The following ESRRG variants were observed in gnomAD, a reference collection of about 807,000 sequenced individuals.
The protein encoded by ESRRG is estrogen related receptor gamma.
In ESRRG, 13 loss-of-function variants were observed where a neutral mutation model predicts 44.0. That is an observed-to-expected ratio of 0.30 (90% CI 0.19 to 0.47). The LOEUF is 0.47. Among genes scored for constraint, ESRRG ranks in the 20% least tolerant of loss-of-function variants. The probability of loss-of-function intolerance (pLI) is 1.00; values close to 1 mark genes in which losing one functional copy is unlikely to be tolerated. For missense variants in ESRRG, 395 were observed against 580.6 expected (o/e 0.68, Z 3.29); for synonymous variants, 215 against 214.6 (o/e 1.00, Z -0.02).
intron 1 of ESRRG, among the ~76,000 whole-genome samples, chr1:216,992,987 A>G (rs554697088): frequency 6.6e-6 from 1 of 152,244 alleles, no homozygotes; most frequent in East Asian, 1.9e-4. Flanking sequence ...ACCTTGTTTT[A>G]TCATCCACCC....
At chr1:216,837,978 G>A (rs2095595102) in intron 2 of ESRRG, among the ~76,000 whole-genome samples, 1 of 152,106 alleles carries the variant, frequency 6.6e-6, no homozygotes, top group Admixed American at 6.6e-5. Flanking sequence ...ATAAATGAAA[G>A]TCTCTTTACC....
intron 1 of ESRRG, among the ~76,000 whole-genome samples, chr1:216,976,608 C>T (rs1196955777): frequency 1.3e-5 from 2 of 152,154 alleles, no homozygotes; most frequent in East Asian, 3.9e-4. Context: ...ATTAGGGGCT[C>T]ATTGAACAAA....
At chr1:216,824,402 T>C (rs560594363) in intron 2 of ESRRG, among the ~76,000 whole-genome samples, 14 of 152,138 alleles carry the variant, frequency 9.2e-5, no homozygotes, top group Admixed American at 3.3e-4. Flanking sequence ...GTGGAGATCG[T>C]GTCACTTCAC....
At chr1:216,687,816 T>G (rs1010342600) in intron 1 of ESRRG, among the ~76,000 whole-genome samples, 6 of 152,210 alleles carry the variant, frequency 3.9e-5, no homozygotes, top group Non-Finnish European at 5.9e-5. Flanking sequence ...AAAATAAGTG[T>G]TGTCATTCAC....
intron 2 of ESRRG, among the ~76,000 whole-genome samples, chr1:216,840,898 C>T (rs1194038367): frequency 1.3e-5 from 2 of 152,064 alleles, no homozygotes; most frequent in African/African-American, 4.8e-5. Flanking sequence ...TCATAGATCA[C>T]CATACAAGAT....
intron 1 of ESRRG, among the ~76,000 whole-genome samples, chr1:217,017,498 A>T (rs978025078): frequency 1.3e-5 from 2 of 149,754 alleles, no homozygotes; most frequent in African/African-American, 2.5e-5. Context: ...AAAAAAAAAA[A>T]GGAGAAAACC....
intron 3 of ESRRG, among the ~76,000 whole-genome samples, chr1:216,622,609 T>TATAC (rs147309378): frequency 9.3e-5 from 14 of 150,822 alleles, no homozygotes; most frequent in African/African-American, 2.9e-4. Flanking sequence ...AAATGAAAAT[T>TATAC]ACACACACGC....
At chr1:217,014,734 T>TA (rs550535981) in intron 1 of ESRRG, among the ~76,000 whole-genome samples, 98 of 152,324 alleles carry the variant, frequency 6.4e-4, no homozygotes, top group African/African-American at 2.1e-3. Flanking sequence ...GATGAGAAAA[T>TA]ACATGCAAGT....
In ESRRG at chr1:216,732,158, AAAG is replaced by A. The variant is rs547016618; in HGVS notation, c.-13-54670_-13-54668del. On this transcript the variant is annotated intron_variant, in intron 2 of 7. Transcript: ENST00000359162. The stretch of plus-strand genomic sequence containing the variant: ...AAAGGTTTTGTCAACATAAAAAAAA[AAAG>A]AAGTGGAATACCCAATATTTTTGCT... 3.5e-4 allele frequency among the ~76,000 whole-genome samples: 54 copies of A among 152,116 alleles called. 1 individual carries two copies. The East Asian group carries it at 9.4e-3, about 27-fold the overall frequency.
intron 1 of ESRRG, among the ~76,000 whole-genome samples, chr1:216,678,802 G>C (rs1393307601): frequency 6.6e-6 from 1 of 152,182 alleles, no homozygotes; most frequent in Non-Finnish European, 1.5e-5. Flanking sequence ...ATCCCTCTGG[G>C]TAATGGTCAT....
At chr1:216,941,012 GGT>G (rs2149962606) in intron 1 of ESRRG, among the ~76,000 whole-genome samples, 1 of 152,164 alleles carries the variant, frequency 6.6e-6, no homozygotes, top group African/African-American at 2.4e-5. Context: ...AATTTGACAG[GGT>G]CTAGAATCAA....
chr1:216,820,505 T>C (rs568112478), intron 2 of ESRRG, among the ~76,000 whole-genome samples: 44 of 152,178 alleles, frequency 2.9e-4, no homozygotes, highest in Non-Finnish European at 4.1e-4. Context: ...TACGACATGA[T>C]ATCATCTTTT....
intron 1 of ESRRG, among the ~76,000 whole-genome samples, chr1:216,949,709 C>G (rs572817107): frequency 2.0e-5 from 3 of 152,196 alleles, no homozygotes; most frequent in African/African-American, 7.2e-5. Context: ...TCTTCTACAA[C>G]AAATGAGCAA....
intron 1 of ESRRG, among the ~76,000 whole-genome samples, chr1:217,085,214 C>T (rs577217124): frequency 6.6e-6 from 1 of 152,026 alleles, no homozygotes; most frequent in Non-Finnish European, 1.5e-5. Context: ...TTATCAGGAA[C>T]ATACTACCAA....
chr1:216,757,007 T>A (rs2092483642), intron 2 of ESRRG, among the ~76,000 whole-genome samples: 1 of 151,962 alleles, frequency 6.6e-6, no homozygotes, highest in Non-Finnish European at 1.5e-5. Flanking sequence ...TACAAGTCCT[T>A]CTAAACTCAT....
intron 3 of ESRRG, among the ~76,000 whole-genome samples, chr1:216,619,168 C>T (rs2061831918): frequency 1.3e-5 from 2 of 152,296 alleles, no homozygotes; most frequent in Admixed American, 1.3e-4. Flanking sequence ...TAATATTGCA[C>T]AGTTCTGGTG....
intron 1 of ESRRG, among the ~76,000 whole-genome samples, chr1:216,683,430 G>C (rs959820988): frequency 2.0e-5 from 3 of 152,146 alleles, no homozygotes; most frequent in African/African-American, 7.2e-5. Context: ...GCTGCTTCTT[G>C]ATTCTTTGAA....
chr1:216,831,368 A>G (rs200917886), intron 2 of ESRRG, among the ~76,000 whole-genome samples: 2 of 152,306 alleles, frequency 1.3e-5, no homozygotes, highest in East Asian at 3.9e-4. Flanking sequence ...ATAGCTTCAC[A>G]CAAAGAACTA....
intron 3 of ESRRG, among the ~76,000 whole-genome samples, chr1:216,620,059 T>G (rs979737959): frequency 6.6e-6 from 1 of 152,124 alleles, no homozygotes; most frequent in Admixed American, 6.5e-5. Flanking sequence ...AGAGAAAAAT[T>G]TTTCCTATAA....
Sources: gnomAD v4.1 joint callset for allele counts (sites outside exome capture counted in the v4.1 genomes callset) on GRCh38, gnomAD v4.1.1 for gene constraint, MANE v1.5 for transcripts, NCBI Gene and HGNC (gene_info 2026-07-23, HGNC 2026-07-21) for gene names.